Variants in TNRC18 observed in about 807,000 individuals in gnomAD.
TNRC18 encodes the protein trinucleotide repeat containing 18, also known as trinucleotide repeat-containing gene 18 protein.
Under a neutral mutation model 226.7 loss-of-function variants are expected in TNRC18, and 69 were observed. The ratio of observed to expected loss-of-function variants is 0.30; its 90% CI spans 0.25 to 0.37. TNRC18 has a LOEUF of 0.37. TNRC18 is among the 10% of genes least tolerant of loss of function. The probability of loss-of-function intolerance (pLI) is 1.00; values close to 1 mark genes in which losing one functional copy is unlikely to be tolerated. For missense variants in TNRC18, 4,754 were observed against 4,256.6 expected (o/e 1.12, Z -3.25); for synonymous variants, 2,449 against 1,927.6 (o/e 1.27, Z -7.09).
At chr7:5,348,233 G>A (rs1394436951) in intron 17 of TNRC18, among the ~76,000 whole-genome samples, 1 of 152,206 alleles carries the variant, frequency 6.6e-6, no homozygotes, top group Non-Finnish European at 1.5e-5. Context: ...AGCAAACTCT[G>A]CCCTGAGATG....
intron 13 of TNRC18, 39 bp from the exon 14 acceptor site, chr7:5,361,761 G>A (rs1398832192): frequency 3.9e-6 from 6 of 1,550,574 alleles, no homozygotes; most frequent in African/African-American, 1.4e-5. Context: ...ACGCTGGGGG[G>A]CGGGCGGGGC....
At chr7:5,308,709 G>A (rs181409483) in intron 29 of TNRC18, among the ~76,000 whole-genome samples, 166 bp downstream of exon 29, 1 of 152,146 alleles carries the variant, frequency 6.6e-6, no homozygotes, top group Non-Finnish European at 1.5e-5. Context: ...AGACCAGAGA[G>A]ACAGAGAACA....
chr7:5,359,544 A>T lies in TNRC18; in HGVS notation c.4687T>A (p.Ser1563Thr). The part of the protein sequence containing the change: ...GKLSSKSLLT[S>T]DDYELGAGIR... The stretch of plus-strand genomic sequence containing the variant: ...CCTGCTCCCAGCTCATAATCATCTG[A>T]TGTCAGCAGAGACTTGCTGCTCAGC... The change falls in exon 15 of 30, where the codon TCA becomes ACA. Residue 1563 changes from serine to threonine, a missense_variant. Transcript: ENST00000430969. 6.2e-7 allele frequency: 1 copy of T among 1,613,884 alleles called. No homozygotes were observed. Among genetic ancestry groups the T allele is most frequent in the Non-Finnish European group, 8.5e-7 (1 of 1,179,892 alleles).
chr7:5,384,581 A>C (rs1562589501), intron 5 of TNRC18, among the ~76,000 whole-genome samples: 2 of 146,048 alleles, frequency 1.4e-5, no homozygotes, highest in Admixed American at 6.8e-5. Flanking sequence ...GTACTCTGGG[A>C]TCTCAGATGG....
chr7:5,416,404 G>C, intron 2 of TNRC18, among the ~76,000 whole-genome samples: 2 of 152,198 alleles, frequency 1.3e-5, no homozygotes, highest in Middle Eastern at 6.8e-3. Flanking sequence ...GACAGAGCGA[G>C]ACTCCGTCTC....
In TNRC18 at chr7:5,332,487, C is replaced by A. The variant is rs1789630583; in HGVS notation, c.6147+135G>T. 2.4e-5 allele frequency: 23 copies of A among 963,328 alleles called. No individual in the cohort carries two copies. The South Asian group carries it at 3.9e-4, about 16-fold the overall frequency. The allele number at this position is 963,328 out of a possible 1,614,324, so 59.7% of individuals were successfully genotyped here. A position where few individuals can be genotyped will look rare whatever the true frequency, so the allele number is the denominator to read the frequency against. The stretch of plus-strand genomic sequence containing the variant: ...TGCTGTGGCTAAGTCCTAGCAGGGG[C>A]TCCGGGCGGGCCTGGAGCCGAGTAC... On this transcript the variant is annotated intron_variant, in intron 19 of 29. Transcript: ENST00000430969.
intron 24 of TNRC18, 60 bp from the exon 25 acceptor site, chr7:5,316,132 C>G: frequency 5.1e-6 from 7 of 1,380,596 alleles, no homozygotes; most frequent in Non-Finnish European, 7.1e-6. Context: ...TAGTGACGCA[C>G]AAGGGTCAGG....
intron 2 of TNRC18, among the ~76,000 whole-genome samples, chr7:5,398,074 C>T (rs1780818901): frequency 6.6e-6 from 1 of 152,040 alleles, no homozygotes; most frequent in Non-Finnish European, 1.5e-5. Flanking sequence ...GATCATAGCT[C>T]GCTGCAGCCT....
At position 5,409,016 on chromosome 7, in the gene TNRC18, A is replaced by T. The variant is rs559257027; in HGVS notation, c.187+12044T>A. ...CTTGGGACAGGAACAGCCTGGCTTC[A>T]ACGTCAACAGACAAGAAACCGCTGA... On this transcript the variant is annotated intron_variant, in intron 2 of 29. Coordinates refer to ENST00000430969, the MANE Select transcript of TNRC18 (RefSeq NM_001080495.3). Among the ~76,000 whole-genome samples the T allele has an allele frequency of 2.0e-5, 3 of 152,302 alleles. No homozygotes were observed. The South Asian group carries it at 6.2e-4, about 32-fold the overall frequency.
intron 26 of TNRC18, among the ~76,000 whole-genome samples, chr7:5,314,624 G>C (rs1440725584): frequency 1.4e-5 from 2 of 142,226 alleles, no homozygotes; most frequent in Non-Finnish European, 3.0e-5. Flanking sequence ...CCAGGCTGGA[G>C]TGTAATGGTG....
chr7:5,322,770 C>T (rs917337326), intron 21 of TNRC18, among the ~76,000 whole-genome samples: 1 of 152,220 alleles, frequency 6.6e-6, no homozygotes, highest in Non-Finnish European at 1.5e-5. Context: ...CTGGTCTGTC[C>T]CCGACATTCT....
Position 5,389,461 on chromosome 7 carries a change from G to GTTTTTTTTTTTGTTTTTT in TNRC18, c.488-126_488-125insAAAAAACAAAAAAAAAAA, listed in dbSNP as rs754143983. ...TGCCTCCCCCAGTGTTTTGGTTTTG[G>GTTTTTTTTTTTGTTTTTT]TTTTTTTTTTCAGAAAGAGTCTCGC... On this transcript the variant is annotated intron_variant, in intron 4 of 29. Coordinates refer to ENST00000430969, the MANE Select transcript of TNRC18 (RefSeq NM_001080495.3). 1.0e-3 allele frequency: 572 copies of GTTTTTTTTTTTGTTTTTT among 565,496 alleles called. 9 individuals carry two copies. In the African/African-American group the frequency reaches 0.014, roughly 13 times the overall value. The allele number at this position is 565,496 out of a possible 1,614,324, so 35.0% of individuals were successfully genotyped here.
chr7:5,336,479 C>G (rs1790129167), intron 18 of TNRC18, among the ~76,000 whole-genome samples: 1 of 152,120 alleles, frequency 6.6e-6, no homozygotes, highest in African/African-American at 2.4e-5. Flanking sequence ...CACAGTGGCT[C>G]ACACCTATAA....
chr7:5,307,617 C>T lies in TNRC18; in HGVS notation c.*489G>A, dbSNP rs765505111. 57 of 439,556 alleles carry T rather than the reference C, an allele frequency of 1.3e-4. No individual in the cohort carries two copies. Among genetic ancestry groups the T allele is most frequent in the African/African-American group, 4.7e-4 (23 of 49,438 alleles). The allele number at this position is 439,556 out of a possible 1,614,324, so 27.2% of individuals were successfully genotyped here. On this transcript the variant is annotated 3_prime_UTR_variant, in exon 30 of 30. Transcript: ENST00000430969. ...CACAGTCAGGTAGGCCAGCTGGCAT[C>T]GGGCTGCCCTGTCCCATGCACGGTG...
At chr7:5,357,476 A>C (rs949062784) in intron 15 of TNRC18, among the ~76,000 whole-genome samples, 200 bp from the exon 16 acceptor site, 1 of 151,762 alleles carries the variant, frequency 6.6e-6, no homozygotes, top group African/African-American at 2.4e-5. Flanking sequence ...CAGTGGCGCG[A>C]TCTCGGCTCA....
chr7:5,317,631 G>A (rs1787981917), intron 24 of TNRC18, among the ~76,000 whole-genome samples: 1 of 150,830 alleles, frequency 6.6e-6, no homozygotes, highest in Non-Finnish European at 1.5e-5. Flanking sequence ...ACAATCCTCT[G>A]AGAAAGTTTA....
At chr7:5,410,212 G>A (rs1420815193) in intron 2 of TNRC18, among the ~76,000 whole-genome samples, 3 of 149,616 alleles carry the variant, frequency 2.0e-5, no homozygotes, top group African/African-American at 4.9e-5. Flanking sequence ...TCGGGAGGCT[G>A]AGGAATGAGA....
chr7:5,361,660 C>T lies in TNRC18; in HGVS notation c.4595G>A (p.Arg1532Gln), dbSNP rs773747510. ...ARRGPGRPRK[R>Q]THAPSALSPP... ...CGACAGGGCGCTCGGGGCGTGGGTC[C>T]GTTTCCGCGGCCTGCCAGGGCCTCT... Residue 1532 changes from arginine to glutamine, a missense_variant, in exon 14 of 30, where the codon CGG becomes CAG. Transcript: ENST00000430969. 7 of 1,561,210 alleles carry T rather than the reference C, an allele frequency of 4.5e-6. No homozygotes were observed. Among genetic ancestry groups the T allele is most frequent in the African/African-American group, 4.1e-5 (3 of 72,784 alleles).
Position 5,371,081 on chromosome 7 carries a change from C to T in TNRC18, c.3513G>A (p.Glu1171=), listed in dbSNP as rs767140366. 6.2e-7 allele frequency: 1 copy of T among 1,611,866 alleles called. No homozygotes were observed. ...EVEDMDEGPT[E]LPPLESPLPL... is the part of the protein sequence containing the mutation. Reference sequence around the variant, plus strand: ...GCAGCGGCGACTCCAGAGGCGGCAGCTCTGTGGGGCCCTCGTCCATGTCCT... The same window carrying T: ...GCAGCGGCGACTCCAGAGGCGGCAGTTCTGTGGGGCCCTCGTCCATGTCCT... Residue 1171 remains glutamate (E), a synonymous_variant, in exon 11 of 30, where the codon GAG becomes GAA. Transcript: ENST00000430969.
Sources: gnomAD v4.1 joint callset for allele counts (sites outside exome capture counted in the v4.1 genomes callset) on GRCh38, gnomAD v4.1.1 for gene constraint, MANE v1.5 for transcripts, NCBI Gene and HGNC (gene_info 2026-07-23, HGNC 2026-07-21) for gene names.